Variants in SPATS2 observed in about 807,000 individuals in gnomAD.
SPATS2 encodes spermatogenesis associated serine rich 2, also known as spermatogenesis-associated serine-rich protein 2.
In SPATS2, 38 loss-of-function variants were observed where a neutral mutation model predicts 63.7. The ratio of observed to expected loss-of-function variants is 0.60; its 90% CI spans 0.46 to 0.78. SPATS2 has a LOEUF of 0.78. SPATS2 is among the 30% of genes least tolerant of loss of function. The pLI, the probability that SPATS2 is intolerant of heterozygous loss-of-function variation, is 0.00. For missense variants in SPATS2, 588 were observed against 666.2 expected (o/e 0.88, Z 1.29); for synonymous variants, 207 against 232.9 (o/e 0.89, Z 1.01).
intron 2 of SPATS2, among the ~76,000 whole-genome samples, chr12:49,431,504 T>C (rs1449665755): frequency 6.6e-6 from 1 of 152,140 alleles, no homozygotes; most frequent in African/African-American, 2.4e-5. Context: ...CGCCTCGGCT[T>C]CCCAAAGTGC....
intron 2 of SPATS2, among the ~76,000 whole-genome samples, chr12:49,385,882 T>G (rs944625736): frequency 3.3e-5 from 5 of 151,618 alleles, no homozygotes; most frequent in Non-Finnish European, 7.4e-5. Flanking sequence ...TTGTTTTTTT[T>G]TTTTGAGACA....
At chr12:49,510,872 AATGGG>A (rs928452280) in intron 9 of SPATS2, among the ~76,000 whole-genome samples, 1 of 152,212 alleles carries the variant, frequency 6.6e-6, no homozygotes, top group Non-Finnish European at 1.5e-5. Flanking sequence ...TAGAGATATC[AATGGG>A]GATGCTTCAG....
chr12:49,395,007 A>G (rs1250516482), intron 2 of SPATS2, among the ~76,000 whole-genome samples: 1 of 151,942 alleles, frequency 6.6e-6, no homozygotes, highest in Non-Finnish European at 1.5e-5. Flanking sequence ...CAGGAGGCGG[A>G]GGTTGCAGTG....
intron 2 of SPATS2, among the ~76,000 whole-genome samples, chr12:49,414,670 T>C (rs111244624): frequency 0.092 from 14,005 of 152,030 alleles, 757 homozygotes; most frequent in African/African-American, 0.14. Flanking sequence ...GGTGGTGTGA[T>C]CATAGCTCAC....
At chr12:49,367,361 C>T, upstream of SPATS2, 1 of 392,554 alleles carries the variant, frequency 2.5e-6, no homozygotes, top group Admixed American at 4.4e-5. Flanking sequence ...TCTGCTGGAT[C>T]TCCGGCAGCA....
chr12:49,435,977 A>G (rs1592392722), intron 2 of SPATS2, among the ~76,000 whole-genome samples: 1 of 150,828 alleles, frequency 6.6e-6, no homozygotes, highest in South Asian at 2.1e-4. Context: ...ACAGATCAAC[A>G]GGATCCCAAG....
chr12:49,378,515 T>A (rs1161515820), intron 2 of SPATS2, among the ~76,000 whole-genome samples: 1 of 151,942 alleles, frequency 6.6e-6, no homozygotes, highest in Non-Finnish European at 1.5e-5. Flanking sequence ...GTCAGGATGA[T>A]CTCTATCTCC....
At chr12:49,443,816 G>T (rs192195966) in intron 2 of SPATS2, among the ~76,000 whole-genome samples, 1 of 152,162 alleles carries the variant, frequency 6.6e-6, no homozygotes, top group East Asian at 1.9e-4. Flanking sequence ...TTTATTTTTG[G>T]ATTCTCAATT....
chr12:49,449,236 G>A lies in SPATS2; in HGVS notation c.-243-11534G>A, dbSNP rs538909720. On this transcript the variant is annotated intron_variant, in intron 2 of 13. Transcript: ENST00000552918. ...GTTTGTTTGTTTGTTTGTTTTCTGA[G>A]GCAGAGTCTCGCTCTGTCGCCCAAG... 9.2e-5 allele frequency among the ~76,000 whole-genome samples: 14 copies of A among 152,180 alleles called. No homozygotes were observed. In the East Asian group the frequency reaches 2.5e-3, roughly 27 times the overall value.
chr12:49,519,981 AT>A (rs747590338), intron 11 of SPATS2, among the ~76,000 whole-genome samples: 589 of 138,238 alleles, frequency 4.3e-3, no homozygotes, highest in Admixed American at 4.6e-3. Flanking sequence ...CGCCTGGCTA[AT>A]TTTTTTTTTT....
At position 49,522,943 on chromosome 12, in the gene SPATS2, A is replaced by G. The variant is rs1946967748; in HGVS notation, c.1111+90A>G. On this transcript the variant is annotated intron_variant, in intron 12 of 13. Transcript: ENST00000552918. Reference sequence around the variant, plus strand: ...TTGTCTTCACCACTGATTCCTCATTAGTGCCTCTTGTTTGCTTGTTTATAT... The same window carrying G: ...TTGTCTTCACCACTGATTCCTCATTGGTGCCTCTTGTTTGCTTGTTTATAT... 1.2e-5 allele frequency: 13 copies of G among 1,090,694 alleles called. 1 individual carries two copies. The South Asian group carries it at 1.7e-4, about 14-fold the overall frequency. 67.6% of individuals were successfully genotyped at this position (1,090,694 alleles called of 1,614,324 possible).
At chr12:49,426,786 T>A (rs61340540) in intron 2 of SPATS2, among the ~76,000 whole-genome samples, 28,391 of 152,100 alleles carry the variant, frequency 0.19, 3,623 homozygotes, top group African/African-American at 0.37. Context: ...CTCGTGATCC[T>A]CCCGCCTCGG....
At chr12:49,469,610 G>A (rs1257449295) in intron 3 of SPATS2, 1 of 420,272 alleles carries the variant, frequency 2.4e-6, no homozygotes, top group African/African-American at 2.1e-5. Flanking sequence ...AGAAATATGG[G>A]CCAGGCACAG....
intron 3 of SPATS2, among the ~76,000 whole-genome samples, chr12:49,479,551 T>C (rs1338348347): frequency 1.3e-5 from 2 of 152,134 alleles, no homozygotes; most frequent in Non-Finnish European, 2.9e-5. Flanking sequence ...CCTGCCTGCT[T>C]CATGGAGCGG....
intron 2 of SPATS2, among the ~76,000 whole-genome samples, chr12:49,426,510 CTTG>C (rs976566142): frequency 6.6e-5 from 10 of 152,208 alleles, no homozygotes; most frequent in Admixed American, 5.9e-4. Flanking sequence ...GAAATTCATC[CTTG>C]TTGTATCATC....
chr12:49,440,882 A>G (rs181262139), intron 2 of SPATS2, among the ~76,000 whole-genome samples: 2 of 152,262 alleles, frequency 1.3e-5, no homozygotes, highest in East Asian at 1.9e-4. Flanking sequence ...ATTGTAAATG[A>G]TGTGTCTTTC....
intron 2 of SPATS2, among the ~76,000 whole-genome samples, chr12:49,429,465 T>C (rs1945140449): frequency 6.6e-6 from 1 of 152,044 alleles, no homozygotes; most frequent in African/African-American, 2.4e-5. Context: ...TTTAGTTCCT[T>C]TTTTGAGTCT....
chr12:49,451,401 T>G (rs971200825), intron 2 of SPATS2, among the ~76,000 whole-genome samples: 1 of 152,206 alleles, frequency 6.6e-6, no homozygotes, highest in Admixed American at 6.5e-5. Context: ...TAATATAGCT[T>G]CTTTCTCCTT....
chr12:49,463,175 G>A (rs1182926676), intron 3 of SPATS2: 1 of 151,950 alleles, frequency 6.6e-6, no homozygotes, highest in African/African-American at 2.4e-5. Context: ...GGAGGCCGAG[G>A]TGGGTGGGTC....
Sources: gnomAD v4.1 joint callset for allele counts (sites outside exome capture counted in the v4.1 genomes callset) on GRCh38, gnomAD v4.1.1 for gene constraint, MANE v1.5 for transcripts, NCBI Gene and HGNC (gene_info 2026-07-23, HGNC 2026-07-21) for gene names.